The following DLG2 variants were observed in gnomAD, a reference collection of about 807,000 sequenced individuals.
DLG2 encodes the protein disks large homolog 2.
In DLG2, 45 loss-of-function variants were observed where a neutral mutation model predicts 132.5. The observed-to-expected ratio is 0.34, with a 90% CI of 0.27 to 0.44. DLG2 has a LOEUF of 0.44. Ranked by LOEUF, DLG2 falls within the 20% of genes least tolerant of loss-of-function variation. DLG2 has a pLI of 1.00. For missense variants in DLG2, 1,045 were observed against 1,196.9 expected, an observed-to-expected ratio of 0.87 and a Z score of 1.87; for synonymous variants, 424 against 419.6, an observed-to-expected ratio of 1.01 and a Z score of -0.13.
rs574308840 is a variant in DLG2, at chr11:85,499,900, T to C, written c.40+98757A>G. Among the ~76,000 whole-genome samples, 3 of 152,332 alleles carry C rather than the reference T, an allele frequency of 2.0e-5. No individual in the cohort carries two copies. In the South Asian group the frequency reaches 6.2e-4, roughly 32 times the overall value. On this transcript the variant is annotated intron_variant, in intron 3 of 27. Transcript: ENST00000376104. ...GGCCTCTGACAAAATTCAACAGCCT[T>C]TCATGCTTAAATCTCCCAATAAACT...
In DLG2 at chr11:84,559,041, T is replaced by C. The variant is rs962504630; in HGVS notation, c.358-24310A>G. Reference sequence around the variant, plus strand: ...CAGAGAGTCATGACAGATTTTTCTTTGACTCTGTCAGTGACCATTCCACGC... The same window carrying C: ...CAGAGAGTCATGACAGATTTTTCTTCGACTCTGTCAGTGACCATTCCACGC... On this transcript the variant is annotated intron_variant, in intron 6 of 27. Transcript: ENST00000376104. Among the ~76,000 whole-genome samples the C allele has an allele frequency of 2.0e-5, 3 of 152,300 alleles. 1 individual carries two copies. The highest frequency in any genetic ancestry group is 7.2e-5 in the African/African-American group (3 of 41,572).
rs556932122 is a variant in DLG2, at chr11:84,904,962, C to T, written c.357+206699G>A. ...TTTTTGAGACAGGGTCTCGCTCTGT[C>T]GCCCAGGCTAGAGTGCAGTGGTGCT... is the stretch of plus-strand genomic sequence containing the variant. On this transcript the variant is annotated intron_variant, in intron 6 of 27. Transcript: ENST00000376104. 5.3e-5 allele frequency among the ~76,000 whole-genome samples: 8 copies of T among 152,232 alleles called. 1 individual carries two copies. Among genetic ancestry groups the T allele is most frequent in the Admixed American group, 3.9e-4 (6 of 15,274 alleles).
intron 6 of DLG2, among the ~76,000 whole-genome samples, chr11:84,720,660 GTAAAATAAAAA>G: frequency 6.6e-6 from 1 of 151,950 alleles, no homozygotes; most frequent in Admixed American, 6.6e-5. Flanking sequence ...TTTGGGGGAG[GTAAAATAAAAA>G]TAAAATAAAA....
intron 15 of DLG2, among the ~76,000 whole-genome samples, chr11:83,918,240 T>C (rs1260017230): frequency 2.0e-5 from 3 of 152,132 alleles, no homozygotes; most frequent in South Asian, 2.1e-4. Flanking sequence ...ACCAACAGTA[T>C]ACGTATAGGT....
chr11:85,203,270 T>G (rs1169287670), intron 4 of DLG2, among the ~76,000 whole-genome samples: 1 of 151,166 alleles, frequency 6.6e-6, no homozygotes, highest in East Asian at 1.9e-4. Flanking sequence ...ACAAACAAAA[T>G]TAACAAACCT....
chr11:84,231,739 T>C (rs1306207459), intron 8 of DLG2, among the ~76,000 whole-genome samples: 2 of 152,186 alleles, frequency 1.3e-5, no homozygotes, highest in African/African-American at 4.8e-5. Flanking sequence ...AGTTAAAAGA[T>C]GGGACCATAG....
chr11:84,709,082 T>C (rs1349948855), intron 6 of DLG2, among the ~76,000 whole-genome samples: 2 of 151,840 alleles, frequency 1.3e-5, no homozygotes, highest in Non-Finnish European at 2.9e-5. Context: ...GAAGGGAGCA[T>C]TCTCTATCAG....
chr11:84,345,884 ACTGT>A (rs1567353139), intron 7 of DLG2, among the ~76,000 whole-genome samples: 1 of 152,162 alleles, frequency 6.6e-6, no homozygotes, highest in Non-Finnish European at 1.5e-5. Context: ...AGTATCCGAG[ACTGT>A]CTGGCCTACA....
At chr11:85,339,029 C>T (rs191476252) in intron 3 of DLG2, among the ~76,000 whole-genome samples, 1 of 152,286 alleles carries the variant, frequency 6.6e-6, no homozygotes, top group East Asian at 1.9e-4. Context: ...ATATATCCTA[C>T]CTGTATTTCC....
At chr11:84,563,081 A>T (rs1030076952) in intron 6 of DLG2, among the ~76,000 whole-genome samples, 1 of 152,196 alleles carries the variant, frequency 6.6e-6, no homozygotes, top group African/African-American at 2.4e-5. Flanking sequence ...ATCTTGAGTA[A>T]CGTTTCTACT....
At chr11:84,208,810 A>G (rs1284512914) in intron 8 of DLG2, among the ~76,000 whole-genome samples, 2 of 152,184 alleles carry the variant, frequency 1.3e-5, no homozygotes, top group African/African-American at 4.8e-5. Flanking sequence ...AAGTTTTGAA[A>G]CCAGTTTACA....
intron 6 of DLG2, among the ~76,000 whole-genome samples, chr11:84,584,779 C>T (rs2099525445): frequency 6.8e-6 from 1 of 148,130 alleles, no homozygotes; most frequent in Non-Finnish European, 1.5e-5. Flanking sequence ...AGCTCTGCCT[C>T]CCGGGTTCAC....
intron 18 of DLG2, among the ~76,000 whole-genome samples, chr11:83,659,038 C>T (rs779015442): frequency 1.2e-4 from 19 of 152,188 alleles, no homozygotes; most frequent in Non-Finnish European, 2.6e-4. Flanking sequence ...TCTTGTATTG[C>T]CTTGGCTGCC....
At chr11:85,478,904 G>C (rs1001073131) in intron 3 of DLG2, among the ~76,000 whole-genome samples, 1 of 152,054 alleles carries the variant, frequency 6.6e-6, no homozygotes, top group African/African-American at 2.4e-5. Flanking sequence ...CCTAAATTTT[G>C]AAAGCAAAAT....
intron 8 of DLG2, among the ~76,000 whole-genome samples, chr11:84,229,725 T>G (rs183922222): frequency 6.6e-6 from 1 of 152,334 alleles, no homozygotes; most frequent in African/African-American, 2.4e-5. Flanking sequence ...TGGCTCCTTC[T>G]CTTACCAACT....
chr11:83,711,947 T>C (rs1056746861), intron 18 of DLG2, among the ~76,000 whole-genome samples: 4 of 152,166 alleles, frequency 2.6e-5, no homozygotes, highest in Non-Finnish European at 5.9e-5. Context: ...TACTATCTCA[T>C]GCCAGTCAGA....
intron 4 of DLG2, among the ~76,000 whole-genome samples, chr11:85,181,245 T>A (rs566992552): frequency 4.6e-5 from 7 of 151,484 alleles, no homozygotes; most frequent in Non-Finnish European, 1.0e-4. Context: ...TGTATATATA[T>A]GTGTATATAT....
intron 3 of DLG2, among the ~76,000 whole-genome samples, chr11:85,300,374 C>A (rs953573450): frequency 3.3e-5 from 5 of 152,082 alleles, no homozygotes; most frequent in African/African-American, 1.2e-4. Flanking sequence ...GATGTAGAGA[C>A]CTGAGAACAT....
chr11:84,744,941 C>CATAAAACA (rs1170205153), intron 6 of DLG2, among the ~76,000 whole-genome samples: 1 of 147,206 alleles, frequency 6.8e-6, no homozygotes, highest in African/African-American at 2.5e-5. Flanking sequence ...AAATCACCTC[C>CATAAAACA]ATAAAACACA....
Sources: gnomAD v4.1 joint callset for allele counts (sites outside exome capture counted in the v4.1 genomes callset) on GRCh38, gnomAD v4.1.1 for gene constraint, MANE v1.5 for transcripts, NCBI Gene and HGNC (gene_info 2026-07-23, HGNC 2026-07-21) for gene names.